TRPM1: variants seen among roughly 807,000 people sequenced by gnomAD.
TRPM1 encodes the protein TRPM1-203 APA Isoform, Intron 10.
In TRPM1, 113 loss-of-function variants were observed where a neutral mutation model predicts 149.4. The ratio of observed to expected loss-of-function variants is 0.76; its 90% confidence interval spans 0.65 to 0.88. TRPM1 has a LOEUF of 0.88. Ranked by LOEUF, TRPM1 falls within the 40% of genes least tolerant of loss-of-function variation. The probability of loss-of-function intolerance (pLI) is 0.00; values close to 1 mark genes in which losing one functional copy is unlikely to be tolerated. For synonymous variants in TRPM1, 741 were observed against 759.5 expected, an observed-to-expected ratio of 0.98 and a Z score of 0.40; for missense variants, 1,976 against 2,038.7, an observed-to-expected ratio of 0.97 and a Z score of 0.59.
intron 1 of TRPM1, among the ~76,000 whole-genome samples, chr15:31,113,752 G>A (rs548375629): frequency 4.6e-5 from 7 of 152,096 alleles, no homozygotes; most frequent in Admixed American, 2.0e-4. Context: ...TGAAGCATGC[G>A]GACCTTCCCG....
intron 1 of TRPM1, among the ~76,000 whole-genome samples, chr15:31,118,880 G>A (rs1352554507): frequency 6.9e-6 from 1 of 144,190 alleles, no homozygotes; most frequent in African/African-American, 2.7e-5. Context: ...TTGGGATTAG[G>A]GTTTCAACAC....
At chr15:31,105,896 AAATAAC>A (rs2035600177), upstream of TRPM1, among the ~76,000 whole-genome samples, 1 of 152,238 alleles carries the variant, frequency 6.6e-6, no homozygotes, top group African/African-American at 2.4e-5. Context: ...CTGTCTGAGC[AAATAAC>A]AATAGCACTA....
At position 31,091,285 on chromosome 15, in the gene TRPM1, G is replaced by A. The variant is rs141094472; in HGVS notation, c.-83-9847C>T. On this transcript the variant is annotated intron_variant, in intron 1 of 27. Coordinates refer to ENST00000256552, the MANE Select transcript of TRPM1 (RefSeq NM_001252024.2). The stretch of plus-strand genomic sequence containing the variant: ...CAGAACTCACAGCCCTAACAGTGCT[G>A]GACGTAAATCTTGGTTTGTGTTTTT... Among the ~76,000 whole-genome samples the A allele has an allele frequency of 7.3e-3, 1,110 of 152,340 alleles. 4 individuals carry two copies. The highest frequency in any genetic ancestry group is 0.01 in the Non-Finnish European group (704 of 68,032).
chr15:31,038,216 TC>T (rs767281724), intron 18 of TRPM1, 50 bp from the exon 19 acceptor site: 1 of 1,606,044 alleles, frequency 6.2e-7, no homozygotes, highest in Admixed American at 1.7e-5. Context: ...TAGAAAAATG[TC>T]CCAGCATAGT....
At chr15:31,144,340 G>A (rs1168882188) in intron 1 of TRPM1, among the ~76,000 whole-genome samples, 1 of 152,170 alleles carries the variant, frequency 6.6e-6, no homozygotes, top group Non-Finnish European at 1.5e-5. Flanking sequence ...GGGAGGCTAA[G>A]GTGGGAGGAT....
At chr15:31,117,566 T>C (rs1179397449) in intron 1 of TRPM1, among the ~76,000 whole-genome samples, 3 of 151,578 alleles carry the variant, frequency 2.0e-5, no homozygotes, top group Admixed American at 6.6e-5. Flanking sequence ...GAGACTTGCT[T>C]GAACCCGGTA....
rs375385351 is a variant in TRPM1, at chr15:31,092,585, C to T, written c.-84+9072G>A. The stretch of plus-strand genomic sequence containing the variant: ...CTTCCCCTTTCAGGAGGACAGAAAA[C>T]GATTTCTCGTTGTCTCAGGAAGTGG... On this transcript the variant is annotated intron_variant, in intron 1 of 27. Coordinates refer to ENST00000256552, the MANE Select transcript of TRPM1 (RefSeq NM_001252024.2). 4.6e-5 allele frequency among the ~76,000 whole-genome samples: 7 copies of T among 152,276 alleles called. No individual in the cohort carries two copies. The South Asian group carries it at 6.2e-4, about 14-fold the overall frequency.
chr15:31,046,068 C>T lies in TRPM1; in HGVS notation c.1794+136G>A, dbSNP rs189867849. On this transcript the variant is annotated intron_variant, in intron 16 of 27. Coordinates refer to ENST00000256552, the MANE Select transcript of TRPM1 (RefSeq NM_001252024.2). ...CCATTAAAGAAAATGTATATATGGT[C>T]CTTTTATATAATTTGACTAAGACAT... 103 of 764,782 alleles carry T rather than the reference C, an allele frequency of 1.3e-4. 1 individual carries two copies. In the Admixed American group the frequency reaches 1.4e-3, roughly 10 times the overall value. The allele number at this position is 764,782 out of a possible 1,614,324, so 47.4% of individuals were successfully genotyped here.
At chr15:31,065,833 G>C (rs1157682204) in intron 7 of TRPM1, among the ~76,000 whole-genome samples, 1 of 152,230 alleles carries the variant, frequency 6.6e-6, no homozygotes, top group Admixed American at 6.5e-5. Context: ...CCATCACCAT[G>C]GCGAGCACTG....
chr15:31,002,492 A>C lies in TRPM1; in HGVS notation c.4208T>G (p.Leu1403Ter), dbSNP rs2031816966. ...SKKEETISPS[L>*]NKTDVIHGQD... is the part of the protein sequence containing the mutation. ...TCCATGTATCACATCTGTTTTATTT[A>C]AACTTGGGGAAATAGTTTCTTCTTT... The change falls in exon 28 of 28, where the codon TTA (leucine) becomes TGA (stop). Residue 1403 changes from leucine (L) to a stop codon, truncating the protein, a stop_gained. Coordinates refer to ENST00000256552, the MANE Select transcript of TRPM1 (RefSeq NM_001252024.2). LOFTEE classifies it low-confidence loss of function (END_TRUNC). 6.2e-7 allele frequency: 1 copy of C among 1,614,000 alleles called. No individual in the cohort carries two copies. Among genetic ancestry groups the C allele is most frequent in the Non-Finnish European group, 8.5e-7 (1 of 1,180,008 alleles).
chr15:31,021,240 C>T (rs555658222), intron 27 of TRPM1, among the ~76,000 whole-genome samples: 68 of 152,330 alleles, frequency 4.5e-4, no homozygotes, highest in Admixed American at 4.4e-3. Flanking sequence ...AATCCCCCAC[C>T]TCCTTCCTAA....
At chr15:31,128,906 G>GC (rs953820368) in intron 1 of TRPM1, among the ~76,000 whole-genome samples, 7 of 152,166 alleles carry the variant, frequency 4.6e-5, no homozygotes, top group Non-Finnish European at 8.8e-5. Context: ...TCAGATGAAA[G>GC]CCCCCCCGCT....
chr15:31,057,626 T>C (rs1465843476), intron 11 of TRPM1, among the ~76,000 whole-genome samples: 1 of 152,230 alleles, frequency 6.6e-6, no homozygotes, highest in Non-Finnish European at 1.5e-5. Flanking sequence ...GGCTTCATCT[T>C]GGAAAGAGTG....
At chr15:31,118,612 G>A (rs2035834821) in intron 1 of TRPM1, among the ~76,000 whole-genome samples, 1 of 152,176 alleles carries the variant, frequency 6.6e-6, no homozygotes, top group African/African-American at 2.4e-5. Flanking sequence ...CAGGCTGAAG[G>A]TCCAAGATCA....
chr15:31,087,379 G>A (rs572888192), intron 1 of TRPM1, among the ~76,000 whole-genome samples: 6 of 151,198 alleles, frequency 4.0e-5, no homozygotes, highest in African/African-American at 1.2e-4. Flanking sequence ...ATGTAGTCCT[G>A]TAGCTAGGAC....
At chr15:31,028,060 A>G (rs188764650) in intron 25 of TRPM1, among the ~76,000 whole-genome samples, 1 of 152,358 alleles carries the variant, frequency 6.6e-6, no homozygotes, top group African/African-American at 2.4e-5. Context: ...ACTTTCATCT[A>G]AGAAAATATT....
At chr15:31,072,016 T>TAG (rs1443932287) in intron 3 of TRPM1, among the ~76,000 whole-genome samples, 349 of 30,656 alleles carry the variant, frequency 0.011, no homozygotes, top group Non-Finnish European at 0.016. Context: ...TATATATATA[T>TAG]ATAGAGAGAG....
intron 21 of TRPM1, among the ~76,000 whole-genome samples, chr15:31,034,423 G>T (rs144235258): frequency 3.9e-5 from 6 of 152,206 alleles, no homozygotes; most frequent in Non-Finnish European, 5.9e-5. Context: ...AGGTGCTGCT[G>T]TTAGGCCCAC....
intron 12 of TRPM1, among the ~76,000 whole-genome samples, chr15:31,050,006 G>A (rs576325025): frequency 9.2e-5 from 14 of 152,308 alleles, no homozygotes; most frequent in Admixed American, 6.5e-4. Context: ...CACCTAAACT[G>A]CTGTTACCCC....
Sources: gnomAD v4.1 joint callset for allele counts (sites outside exome capture counted in the v4.1 genomes callset) on GRCh38, gnomAD v4.1.1 for gene constraint, MANE v1.5 for transcripts, NCBI Gene and HGNC (gene_info 2026-07-23, HGNC 2026-07-21) for gene names.